SEM1: variants seen among roughly 807,000 people sequenced by gnomAD.
The protein encoded by SEM1 is SEM1 26S proteasome subunit, also known as 26S proteasome complex subunit SEM1.
Under a neutral mutation model 12.7 loss-of-function variants are expected in SEM1, and 3 were observed. The ratio of observed to expected loss-of-function variants is 0.24; its 90% CI spans 0.11 to 0.61. SEM1 has a LOEUF of 0.61. SEM1 is among the 20% of genes least tolerant of loss of function. The pLI is 0.88. For synonymous variants in SEM1, 30 were observed against 27.8 expected (o/e 1.08, Z -0.25); for missense variants, 59 against 81.3 (o/e 0.73, Z 1.06).
intron 1 of SEM1, 76 bp from the exon 2 acceptor site, chr7:96,694,967 G>C: frequency 1.9e-6 from 2 of 1,026,256 alleles, no homozygotes; most frequent in South Asian, 2.8e-5. Context: ...TGAAAAGCTT[G>C]CTACTGAACA....
chr7:96,687,868 C>T (rs368223954), downstream of SEM1: 1 of 151,994 alleles, frequency 6.6e-6, no homozygotes, highest in African/African-American at 2.4e-5. Context: ...TTCCTTATTC[C>T]ATTTGATCAT....
At chr7:96,667,709 T>G (rs1405034548) in intron 2 of SEM1, among the ~76,000 whole-genome samples, 2 of 152,240 alleles carry the variant, frequency 1.3e-5, no homozygotes, top group East Asian at 3.8e-4. Flanking sequence ...AAGCCTGGAT[T>G]CAGCTGAAGA....
In SEM1 at chr7:96,674,520, T is replaced by C. The variant is rs1364325160; in HGVS notation, c.171-661A>G. Among the ~76,000 whole-genome samples, 10 of 151,888 alleles carry C rather than the reference T, an allele frequency of 6.6e-5. No homozygotes were observed. The East Asian group carries it at 1.7e-3, about 27-fold the overall frequency. On this transcript the variant is annotated intron_variant, in intron 2 of 2. Transcript: ENST00000413065. ...AAAACAAACAAACAAAAAAATTAGC[T>C]GAGCGTGGTGGTGCATGCCTGTGGT...
At chr7:96,573,990 G>A (rs1359040965) in intron 2 of SEM1, among the ~76,000 whole-genome samples, 2 of 151,510 alleles carry the variant, frequency 1.3e-5, no homozygotes, top group South Asian at 2.1e-4. Flanking sequence ...CAATGTGTAG[G>A]TTTGTTACAT....
intron 1 of SEM1, among the ~76,000 whole-genome samples, chr7:96,704,037 C>T (rs895406939): frequency 6.8e-6 from 1 of 146,870 alleles, no homozygotes; most frequent in Non-Finnish European, 1.5e-5. Context: ...AAGAAAAAAC[C>T]CTAATATCTA....
intron 2 of SEM1, among the ~76,000 whole-genome samples, chr7:96,641,861 A>AC (rs1808621936): frequency 6.6e-6 from 1 of 151,432 alleles, no homozygotes; most frequent in African/African-American, 2.4e-5. Context: ...ATCTTTGAAG[A>AC]TTTTTTTTCC....
At chr7:96,692,120 C>G (rs894628700) in intron 2 of SEM1, among the ~76,000 whole-genome samples, 1 of 152,078 alleles carries the variant, frequency 6.6e-6, no homozygotes, top group African/African-American at 2.4e-5. Flanking sequence ...ATTATAAAAA[C>G]AGTAAGCCAC....
chr7:96,645,344 T>C (rs1808750327), intron 2 of SEM1: 2 of 157,934 alleles, frequency 1.3e-5, no homozygotes, highest in Admixed American at 6.5e-5. Flanking sequence ...TGGAATATGG[T>C]TGCTACTGTA....
intron 2 of SEM1, chr7:96,645,330 A>G (rs1161704799): frequency 6.4e-6 from 1 of 155,364 alleles, no homozygotes; most frequent in Non-Finnish European, 1.4e-5. Flanking sequence ...TAAATACTGT[A>G]TAATGGAATA....
At chr7:96,681,618 C>T (rs1312577884) in intron 2 of SEM1, among the ~76,000 whole-genome samples, 1 of 152,116 alleles carries the variant, frequency 6.6e-6, no homozygotes, top group Non-Finnish European at 1.5e-5. Flanking sequence ...GCCAGTTTTC[C>T]CAACACCATT....
At chr7:96,585,038 G>A (rs1199388045) in intron 2 of SEM1, among the ~76,000 whole-genome samples, 2 of 151,668 alleles carry the variant, frequency 1.3e-5, no homozygotes, top group East Asian at 1.9e-4. Flanking sequence ...GAGAAGGAGA[G>A]GCGCTCTGCT....
At chr7:96,484,906 T>C (rs1322038673) in intron 2 of SEM1, 3 of 1,178,856 alleles carry the variant, frequency 2.5e-6, no homozygotes, top group African/African-American at 1.6e-5. Flanking sequence ...ACTTTCTAAA[T>C]TGTCTTACCC....
At chr7:96,496,500 A>G (rs1459073606), upstream of SEM1, among the ~76,000 whole-genome samples, 1 of 152,142 alleles carries the variant, frequency 6.6e-6, no homozygotes, top group Non-Finnish European at 1.5e-5. Context: ...GTAAACAATT[A>G]CCTGGGTTTG....
At chr7:96,689,087 G>A (rs1789847445) in intron 2 of SEM1, 121 bp from the exon 3 acceptor site, 2 of 546,864 alleles carry the variant, frequency 3.7e-6, no homozygotes, top group Non-Finnish European at 6.4e-6. Flanking sequence ...CAATACCACT[G>A]AATAGTTTTA....
intron 2 of SEM1, among the ~76,000 whole-genome samples, chr7:96,623,841 G>A (rs1432934289): frequency 1.3e-5 from 2 of 152,096 alleles, no homozygotes; most frequent in Non-Finnish European, 2.9e-5. Context: ...GCAGGACTGT[G>A]CTCCCTCTGA....
chr7:96,594,969 T>C (rs1414333124), intron 2 of SEM1, among the ~76,000 whole-genome samples: 1 of 152,162 alleles, frequency 6.6e-6, no homozygotes, highest in Non-Finnish European at 1.5e-5. Flanking sequence ...TAAAAATGAA[T>C]ATATTTCAAG....
At chr7:96,594,294 G>A (rs1301088767) in intron 2 of SEM1, among the ~76,000 whole-genome samples, 3 of 151,958 alleles carry the variant, frequency 2.0e-5, no homozygotes, top group East Asian at 1.9e-4. Flanking sequence ...CAGTTTCCAA[G>A]AGCCATTTCT....
chr7:96,585,833 C>A (rs563754066), intron 2 of SEM1, among the ~76,000 whole-genome samples: 2 of 152,152 alleles, frequency 1.3e-5, no homozygotes, highest in African/African-American at 4.8e-5. Context: ...GGCTTGCACA[C>A]GGTGCGCGCA....
chr7:96,699,649 T>C (rs1258803866), intron 1 of SEM1, among the ~76,000 whole-genome samples: 2 of 152,208 alleles, frequency 1.3e-5, no homozygotes, highest in African/African-American at 4.8e-5. Flanking sequence ...CTTTCCTACG[T>C]TTCTTTTGAA....
Sources: gnomAD v4.1 joint callset for allele counts (sites outside exome capture counted in the v4.1 genomes callset) on GRCh38, gnomAD v4.1.1 for gene constraint, MANE v1.5 for transcripts, NCBI Gene and HGNC (gene_info 2026-07-23, HGNC 2026-07-21) for gene names.